LAMA1: variants seen among roughly 807,000 people sequenced by gnomAD.
The protein encoded by LAMA1 is laminin subunit alpha-1.
In LAMA1, 219 loss-of-function variants were observed where a neutral mutation model predicts 348.7. The observed-to-expected ratio is 0.63, with a 90% CI of 0.56 to 0.70. The LOEUF is 0.70. Among genes scored for constraint, LAMA1 ranks in the 30% least tolerant of loss-of-function variants. LAMA1 has a pLI of 0.00. For missense variants in LAMA1, 3,744 were observed against 3,888.0 expected, an observed-to-expected ratio of 0.96 and a Z score of 0.99; for synonymous variants, 1,487 against 1,491.0, an observed-to-expected ratio of 1.00 and a Z score of 0.06.
chr18:7,072,442 T>C (rs1351254161), intron 3 of LAMA1, among the ~76,000 whole-genome samples: 1 of 152,158 alleles, frequency 6.6e-6, no homozygotes, highest in Non-Finnish European at 1.5e-5. Context: ...ACCCAATAGT[T>C]AATACATAAA....
intron 1 of LAMA1, among the ~76,000 whole-genome samples, chr18:7,115,564 A>G (rs186749621): frequency 3.3e-5 from 5 of 152,178 alleles, no homozygotes; most frequent in Non-Finnish European, 7.4e-5. Flanking sequence ...TTAAAAAATA[A>G]CACCAGACAA....
rs2057501909 is a variant in LAMA1 at position 6,942,249 on chromosome 18, AAAG to A, written c.9068-13_9068-11del. The stretch of plus-strand genomic sequence containing the variant: ...TTTTGCTTCACACCAGCTGTTCAGG[AAAG>A]AAGAGAAGACAAATCTTGCTTAATT... On this transcript the variant is annotated splice_polypyrimidine_tract_variant and intron_variant, in intron 62 of 62. Coordinates refer to ENST00000389658, the MANE Select transcript of LAMA1 (RefSeq NM_005559.4). 6.2e-7 allele frequency: 1 copy of A among 1,613,762 alleles called. No individual in the cohort carries two copies. Among genetic ancestry groups the A allele is most frequent in the African/African-American group, 1.3e-5 (1 of 74,926 alleles).
rs147477674 is a variant in LAMA1 at position 7,032,112 on chromosome 18, T to C, written c.2228A>G (p.Glu743Gly). The change falls in exon 16 of 63, where the codon GAA becomes GGA. Residue 743 changes from glutamate (E) to glycine (G), a missense_variant. This residue lies in a region of LAMA1 where 1,529 missense variants were observed against 1,689.4 expected (regional missense o/e 0.91). Coordinates refer to ENST00000389658, the MANE Select transcript of LAMA1 (RefSeq NM_005559.4). ...ILFGGICQPCECHGHAAECNV... is the reference protein window; with the variant it reads ...ILFGGICQPCGCHGHAAECNV... ...ACACTCAGCTGCATGGCCGTGGCAT[T>C]CACAGGGTTGACAAATTCCTCCAAA... The C allele has an allele frequency of 6.2e-7, 1 of 1,614,074 alleles. No individual in the cohort carries two copies. The highest frequency in any genetic ancestry group is 1.3e-5 in the African/African-American group (1 of 74,928).
At chr18:6,956,265 T>G in intron 56 of LAMA1, 1 of 215,910 alleles carries the variant, frequency 4.6e-6, no homozygotes, top group Non-Finnish European at 9.1e-6. Flanking sequence ...AATTGAATCT[T>G]TTTTTTTTTT....
At position 7,044,804 on chromosome 18, in the gene LAMA1, C is replaced by A. The variant is rs755582478; in HGVS notation, c.894G>T (p.Gly298=). 3.1e-6 allele frequency: 5 copies of A among 1,614,032 alleles called. No homozygotes were observed. In the Admixed American group the frequency reaches 5.0e-5, roughly 16 times the overall value. Reference sequence around the variant, plus strand: ...CAGGACAGCACCTGTTACAGCTCTCCCCGCAAGTATTATGCTCACATTGAC... The same window carrying A: ...CAGGACAGCACCTGTTACAGCTCTCACCGCAAGTATTATGCTCACATTGAC... The part of the protein sequence containing the change: ...LQCQCEHNTC[G]ESCNRCCPGY... The change falls in exon 7 of 63, where the codon GGG becomes GGT. Residue 298 remains glycine (G), a synonymous_variant. Transcript: ENST00000389658.
At chr18:7,023,125 CAATA>C (rs781126216) in intron 19 of LAMA1, 35 bp downstream of exon 19, 3 of 1,588,646 alleles carry the variant, frequency 1.9e-6, no homozygotes, top group Admixed American at 1.7e-5. Flanking sequence ...CTTCCTATGG[CAATA>C]AACAGCTGAC....
At chr18:6,972,198 A>G in intron 47 of LAMA1, 1 of 530,368 alleles carries the variant, frequency 1.9e-6, no homozygotes, top group Non-Finnish European at 3.4e-6. Flanking sequence ...GATCTTAAAG[A>G]TCATCTCAGT....
intron 1 of LAMA1, among the ~76,000 whole-genome samples, chr18:7,116,116 CAGGAA>C (rs1241977471): frequency 6.6e-6 from 1 of 152,204 alleles, no homozygotes; most frequent in Non-Finnish European, 1.5e-5. Context: ...CATCTCAAAG[CAGGAA>C]AGCCCCATGA....
At chr18:7,058,467 CAA>C (rs1251387728) in intron 3 of LAMA1, among the ~76,000 whole-genome samples, 1 of 152,152 alleles carries the variant, frequency 6.6e-6, no homozygotes, top group African/African-American at 2.4e-5. Flanking sequence ...CTGTTTCCCG[CAA>C]AAGTCATACA....
chr18:7,042,221 G>A lies in LAMA1; in HGVS notation c.1185C>T (p.Arg395=), dbSNP rs770004137. 1.1e-5 allele frequency: 18 copies of A among 1,611,860 alleles called. No homozygotes were observed. The highest frequency in any genetic ancestry group is 1.6e-4 in the Middle Eastern group (1 of 6,062). ...KVSPYEDEPC[R]PCNCDPVGSL... The stretch of plus-strand genomic sequence containing the variant: ...ACCCCACAGGGTCACAATTACAGGG[G>A]CGGCAAGGCTCATCCTCATAAGGAG... Residue 395 remains arginine, a synonymous_variant, in exon 9 of 63, where the codon CGC becomes CGT. Transcript: ENST00000389658.
In LAMA1 at chr18:7,117,741, G is replaced by T; in HGVS notation, c.-21C>A. 1 of 1,594,528 alleles carries T rather than the reference G, an allele frequency of 6.3e-7. No individual in the cohort carries two copies. ...CGCATCTCGCCTCCGCCGCCACTCG[G>T]TGGGTCTGGGGAGAAAGCCGCGCGC... On this transcript the variant is annotated 5_prime_UTR_variant, in exon 1 of 63. Transcript: ENST00000389658.
At chr18:7,043,449 C>G (rs201198211) in intron 7 of LAMA1, 44 bp from the exon 8 acceptor site, 1 of 1,536,042 alleles carries the variant, frequency 6.5e-7, no homozygotes, top group South Asian at 1.1e-5. Flanking sequence ...ACATAGCATG[C>G]CTTATACAAA....
Position 7,080,078 on chromosome 18 carries a change from G to A in LAMA1, c.242C>T (p.Pro81Leu). 1 of 1,611,700 alleles carries A rather than the reference G, an allele frequency of 6.2e-7. No homozygotes were observed. The highest frequency in any genetic ancestry group is 8.5e-7 in the Non-Finnish European group (1 of 1,177,792). Reference protein sequence around the residue: ...GNSANPRERHPISHAIDGTNN... With the variant: ...GNSANPRERHLISHAIDGTNN... The stretch of plus-strand genomic sequence containing the variant: ...GGTGCCATCTATGGCATGTGATATT[G>A]GATGGCGTTCTGTTGAAAGAAAATA... Residue 81 changes from proline to leucine, a missense_variant, in exon 3 of 63, where the codon CCA becomes CTA. Pro to Leu is a moderately conservative substitution (Grantham distance 98). This residue lies in a region of LAMA1 where 1,529 missense variants were observed against 1,689.4 expected (regional missense o/e 0.91). Coordinates refer to ENST00000389658, the MANE Select transcript of LAMA1 (RefSeq NM_005559.4).
intron 13 of LAMA1, among the ~76,000 whole-genome samples, chr18:7,035,572 G>A (rs1432043529): frequency 1.3e-5 from 2 of 152,006 alleles, no homozygotes; most frequent in Admixed American, 6.6e-5. Flanking sequence ...ACAGGCACGT[G>A]CCACGGTGCC....
At chr18:7,098,722 G>T (rs1321263802) in intron 1 of LAMA1, among the ~76,000 whole-genome samples, 1 of 145,514 alleles carries the variant, frequency 6.9e-6, no homozygotes, top group Non-Finnish European at 1.5e-5. Context: ...GGAGGTGGGG[G>T]GGTCAGCCCC....
At chr18:7,055,244 A>G (rs1176657178) in intron 3 of LAMA1, among the ~76,000 whole-genome samples, 1 of 151,952 alleles carries the variant, frequency 6.6e-6, no homozygotes, top group Non-Finnish European at 1.5e-5. Flanking sequence ...CGAGGTCAGG[A>G]GTTCGAGACC....
rs1330591043 is a variant in LAMA1, at chr18:7,044,904, G to A, written c.859-65C>T. 19 of 1,214,034 alleles carry A rather than the reference G, an allele frequency of 1.6e-5. 1 individual carries two copies. Among genetic ancestry groups the A allele is most frequent in the Middle Eastern group, 4.0e-4 (2 of 4,958 alleles). The allele number at this position is 1,214,034 out of a possible 1,614,324, so 75.2% of individuals were successfully genotyped here. On this transcript the variant is annotated intron_variant, in intron 6 of 62. Coordinates refer to ENST00000389658, the MANE Select transcript of LAMA1 (RefSeq NM_005559.4). ...TCTGCTTATGTTTCTTAATTTCATGGTAAAAAGAACCTATCTGTCAAATAT... is the reference window on the plus strand; with the variant it reads ...TCTGCTTATGTTTCTTAATTTCATGATAAAAAGAACCTATCTGTCAAATAT...
At chr18:6,963,000 C>T (rs2057615280) in intron 51 of LAMA1, among the ~76,000 whole-genome samples, 1 of 152,170 alleles carries the variant, frequency 6.6e-6, no homozygotes, top group Non-Finnish European at 1.5e-5. Flanking sequence ...CTGCACTCTT[C>T]TGTACCAGCT....
In LAMA1 at chr18:7,050,744, C is replaced by T. The variant is rs1228934779; in HGVS notation, c.538G>A (p.Val180Met). The T allele has an allele frequency of 1.2e-6, 2 of 1,614,034 alleles. No homozygotes were observed. The highest frequency in any genetic ancestry group is 3.3e-5 in the Admixed American group (2 of 59,994). ...CTGGAATAATAGGAGGTGCAGATCA[C>T]TTCATCATCAGCCCTGTAGGTGGGT... ...GPPTYRADDE[V>M]ICTSYYSRLV... The change falls in exon 4 of 63, where the codon GTG becomes ATG. Residue 180 changes from valine (V) to methionine (M), a missense_variant. Val to Met is a conservative substitution (Grantham distance 21). This residue lies in a region of LAMA1 where 1,529 missense variants were observed against 1,689.4 expected (regional missense o/e 0.91). Coordinates refer to ENST00000389658, the MANE Select transcript of LAMA1 (RefSeq NM_005559.4).
Sources: allele counts gnomAD v4.1 joint callset (sites outside exome capture counted in the v4.1 genomes callset), GRCh38; gene constraint gnomAD v4.1.1; regional missense constraint gnomAD v4.1.1; transcripts MANE v1.5; gene names NCBI Gene and HGNC (gene_info 2026-07-23, HGNC 2026-07-21).